The following CACNB2 variants were observed in gnomAD, a reference collection of about 807,000 sequenced individuals.
CACNB2 encodes calcium voltage-gated channel auxiliary subunit beta 2.
In CACNB2, 42 loss-of-function variants were observed where a neutral mutation model predicts 73.3. The ratio of observed to expected loss-of-function variants is 0.57; its 90% CI spans 0.45 to 0.74. The LOEUF (loss-of-function observed/expected upper bound fraction) is 0.74, where lower values mean the gene tolerates loss of function less well. Ranked by LOEUF, CACNB2 falls within the 30% of genes least tolerant of loss-of-function variation. The pLI, the probability that CACNB2 is intolerant of heterozygous loss-of-function variation, is 0.00. For missense variants in CACNB2, 940 were observed against 853.0 expected (o/e 1.10, Z -1.27); for synonymous variants, 348 against 310.3 (o/e 1.12, Z -1.28).
intron 2 of CACNB2, among the ~76,000 whole-genome samples, chr10:18,297,824 GCA>G (rs2039340014): frequency 6.6e-6 from 1 of 152,166 alleles, no homozygotes; most frequent in African/African-American, 2.4e-5. Context: ...GCATTGGAGT[GCA>G]CTATCCCTCC....
At chr10:18,529,798 C>A (rs746976545) in intron 10 of CACNB2, among the ~76,000 whole-genome samples, 1 of 152,122 alleles carries the variant, frequency 6.6e-6, no homozygotes. Flanking sequence ...ATAGCAATTT[C>A]TTTTTTATGT....
At chr10:18,520,007 T>C in intron 9 of CACNB2, 1 of 292,980 alleles carries the variant, frequency 3.4e-6, no homozygotes, top group South Asian at 3.2e-5. Context: ...TCTCCTTTGC[T>C]GATACTTCCT....
intron 3 of CACNB2, among the ~76,000 whole-genome samples, chr10:18,416,781 G>A (rs770529252): frequency 2.6e-5 from 4 of 152,184 alleles, no homozygotes; most frequent in Non-Finnish European, 4.4e-5. Flanking sequence ...TTAACTTCCC[G>A]TTGTATTGTT....
At chr10:18,319,333 A>C (rs1322739358) in intron 2 of CACNB2, among the ~76,000 whole-genome samples, 1 of 152,156 alleles carries the variant, frequency 6.6e-6, no homozygotes, top group East Asian at 1.9e-4. Context: ...CATCCTCAGC[A>C]AACTAACACA....
intron 3 of CACNB2, among the ~76,000 whole-genome samples, chr10:18,428,316 A>G (rs1285955360): frequency 6.6e-6 from 1 of 152,160 alleles, no homozygotes; most frequent in East Asian, 1.9e-4. Flanking sequence ...CTTAGTTTCC[A>G]CTACAATCTT....
intron 2 of CACNB2, chr10:18,206,541 C>T (rs1302806904): frequency 6.6e-6 from 1 of 152,328 alleles, no homozygotes; most frequent in African/African-American, 2.4e-5. Flanking sequence ...CTTCTTTTCC[C>T]CGATGGGACC....
intron 2 of CACNB2, among the ~76,000 whole-genome samples, chr10:18,331,508 C>CTT (rs151152185): frequency 2.7e-5 from 4 of 150,360 alleles, no homozygotes; most frequent in Non-Finnish European, 5.9e-5. Flanking sequence ...TTTCTTCTGA[C>CTT]TTTTTTTTAA....
chr10:18,235,655 C>T (rs924317508), intron 2 of CACNB2, among the ~76,000 whole-genome samples: 3 of 152,310 alleles, frequency 2.0e-5, no homozygotes, highest in African/African-American at 7.2e-5. Flanking sequence ...TCTCTGTCTG[C>T]CAACAGCCAA....
At chr10:18,167,927 G>A (rs2032967863) in intron 2 of CACNB2, among the ~76,000 whole-genome samples, 1 of 152,102 alleles carries the variant, frequency 6.6e-6, no homozygotes, top group Non-Finnish European at 1.5e-5. Flanking sequence ...GTTCCCCGAG[G>A]TCACCCCCGA....
intron 2 of CACNB2, among the ~76,000 whole-genome samples, chr10:18,339,555 T>C (rs542010397): frequency 6.6e-6 from 1 of 152,192 alleles, no homozygotes; most frequent in East Asian, 1.9e-4. Context: ...CCACCAACAG[T>C]ATGTGAAAGT....
chr10:18,310,026 T>G (rs773238262), intron 2 of CACNB2, among the ~76,000 whole-genome samples: 6 of 152,218 alleles, frequency 3.9e-5, no homozygotes, highest in Non-Finnish European at 8.8e-5. Context: ...CAACTAAAAA[T>G]GATGGCAGTG....
intron 2 of CACNB2, among the ~76,000 whole-genome samples, chr10:18,165,071 C>T (rs1172898121): frequency 1.3e-5 from 2 of 152,060 alleles, no homozygotes; most frequent in African/African-American, 4.8e-5. Context: ...TCCAGCATTA[C>T]GAGTTCTGCA....
At chr10:18,222,238 A>G (rs1439985249) in intron 2 of CACNB2, among the ~76,000 whole-genome samples, 1 of 152,180 alleles carries the variant, frequency 6.6e-6, no homozygotes, top group Non-Finnish European at 1.5e-5. Context: ...ATTGTGTGAA[A>G]TTCTGTAGGA....
At chr10:18,498,679 C>A in intron 4 of CACNB2, 2 of 576,632 alleles carry the variant, frequency 3.5e-6, no homozygotes, top group South Asian at 2.0e-5. Context: ...AGGCCTCTTG[C>A]AATAACTTCA....
At chr10:18,386,749 T>C (rs1335772486) in intron 2 of CACNB2, among the ~76,000 whole-genome samples, 1 of 152,118 alleles carries the variant, frequency 6.6e-6, no homozygotes, top group Non-Finnish European at 1.5e-5. Flanking sequence ...TGTATAGCTT[T>C]TATGTTTTGG....
chr10:18,286,242 C>T (rs1324798237), intron 2 of CACNB2, among the ~76,000 whole-genome samples: 21 of 152,116 alleles, frequency 1.4e-4, no homozygotes, highest in South Asian at 4.1e-4. Flanking sequence ...TGCTGCCGGG[C>T]GCAGTGGCTC....
chr10:18,198,129 A>G (rs192080074), intron 2 of CACNB2, among the ~76,000 whole-genome samples: 10,508 of 148,126 alleles, frequency 0.071, 392 homozygotes, highest in East Asian at 0.095. Context: ...TATATGTAAT[A>G]TATTAATATA....
At chr10:18,309,393 G>A (rs1246539540) in intron 2 of CACNB2, among the ~76,000 whole-genome samples, 2 of 152,192 alleles carry the variant, frequency 1.3e-5, no homozygotes, top group Non-Finnish European at 2.9e-5. Flanking sequence ...AGGTGGTTGG[G>A]TCGGGGCTGC....
At chr10:18,390,856 T>G (rs1339016017) in intron 2 of CACNB2, among the ~76,000 whole-genome samples, 1 of 152,204 alleles carries the variant, frequency 6.6e-6, no homozygotes, top group African/African-American at 2.4e-5. Flanking sequence ...TTCAATTTAG[T>G]ATACTCATTT....
Sources: gnomAD v4.1 joint callset for allele counts (sites outside exome capture counted in the v4.1 genomes callset) on GRCh38, gnomAD v4.1.1 for gene constraint, MANE v1.5 for transcripts, NCBI Gene and HGNC (gene_info 2026-07-23, HGNC 2026-07-21) for gene names.